ATP10B: variants seen among roughly 807,000 people sequenced by gnomAD.
ATP10B encodes the protein phospholipid-transporting ATPase VB.
In ATP10B, 122 loss-of-function variants were observed where a neutral mutation model predicts 141.2. The ratio of observed to expected loss-of-function variants is 0.86; its 90% confidence interval spans 0.75 to 1.00. The LOEUF (loss-of-function observed/expected upper bound fraction) is 1.00. Among genes scored for constraint, ATP10B ranks in the 50% least tolerant of loss-of-function variants. The pLI is 0.00. For missense variants in ATP10B, 1,876 were observed against 1,825.3 expected (o/e 1.03, Z -0.51); for synonymous variants, 685 against 692.0 (o/e 0.99, Z 0.16).
intron 2 of ATP10B, among the ~76,000 whole-genome samples, chr5:160,729,868 T>C (rs1581427620): frequency 6.6e-6 from 1 of 152,112 alleles, no homozygotes; most frequent in East Asian, 1.9e-4. Flanking sequence ...CGGACAGCCT[T>C]GTCTGTCAAG....
chr5:160,867,324 T>C, the ATP10B span, among the ~76,000 whole-genome samples: 9 of 152,204 alleles, frequency 5.9e-5, no homozygotes, highest in South Asian at 1.9e-3. Context: ...GACAGGTAGT[T>C]GTAATGGGAG....
chr5:160,853,272 A>G (rs1231087965), upstream of ATP10B, among the ~76,000 whole-genome samples: 1 of 152,022 alleles, frequency 6.6e-6, no homozygotes, highest in Non-Finnish European at 1.5e-5. Flanking sequence ...CTGTTCCTTT[A>G]CTTCCCTTCA....
chr5:160,854,031 G>A (rs13180602), upstream of ATP10B, among the ~76,000 whole-genome samples: 113,374 of 151,930 alleles, frequency 0.75, 43,569 homozygotes, highest in East Asian at 0.98. Flanking sequence ...TCTAGCTTTT[G>A]TATTCTTGCT....
the ATP10B span, among the ~76,000 whole-genome samples, chr5:160,888,387 G>A: frequency 6.6e-6 from 1 of 152,326 alleles, no homozygotes; most frequent in South Asian, 2.1e-4. Flanking sequence ...CTTCAAAGAT[G>A]CAGAAGTTTT....
intron 1 of ATP10B, among the ~76,000 whole-genome samples, chr5:160,802,653 A>AC (rs2127933588): frequency 6.6e-6 from 1 of 152,318 alleles, no homozygotes; most frequent in Non-Finnish European, 1.5e-5. Flanking sequence ...AGAGCCTGAT[A>AC]CCTACTGCTT....
intron 17 of ATP10B, among the ~76,000 whole-genome samples, 185 bp from the exon 18 acceptor site, chr5:160,613,110 TA>T (rs956704393): frequency 1.1e-4 from 16 of 152,146 alleles, no homozygotes; most frequent in Non-Finnish European, 4.4e-5. Flanking sequence ...GGTCATTGAA[TA>T]AGAATTTATA....
At chr5:160,594,288 A>G (rs1486161848) in intron 22 of ATP10B, among the ~76,000 whole-genome samples, 2 of 152,230 alleles carry the variant, frequency 1.3e-5, no homozygotes, top group African/African-American at 4.8e-5. Context: ...CAGCCAAACT[A>G]AGCTTCATAA....
At chr5:160,627,252 A>G (rs1407349308) in intron 13 of ATP10B, among the ~76,000 whole-genome samples, 2 of 152,144 alleles carry the variant, frequency 1.3e-5, no homozygotes, top group Non-Finnish European at 2.9e-5. Context: ...CTAAGCTCCT[A>G]TAGCACCTCT....
the ATP10B span, among the ~76,000 whole-genome samples, chr5:160,860,265 A>G: frequency 6.6e-6 from 1 of 151,986 alleles, no homozygotes; most frequent in African/African-American, 2.4e-5. Flanking sequence ...GTAGTAGAAA[A>G]TATAAAATCT....
intron 2 of ATP10B, among the ~76,000 whole-genome samples, chr5:160,750,158 A>G (rs1296973335): frequency 2.0e-5 from 3 of 152,208 alleles, no homozygotes; most frequent in Admixed American, 6.5e-5. Context: ...TGGGGTCTAC[A>G]TGAAATCTCA....
chr5:160,784,922 A>G (rs553707254), intron 2 of ATP10B, among the ~76,000 whole-genome samples: 1 of 152,032 alleles, frequency 6.6e-6, no homozygotes, highest in Admixed American at 6.6e-5. Context: ...CCTTTTCTCC[A>G]CACAACCATG....
intron 10 of ATP10B, among the ~76,000 whole-genome samples, chr5:160,636,996 C>CCACT (rs1390102121): frequency 9.1e-6 from 1 of 109,334 alleles, no homozygotes; most frequent in Non-Finnish European, 1.9e-5. Flanking sequence ...ACCCACCCAC[C>CCACT]CATCCATCAA....
At chr5:160,648,545 G>A (rs542221182) in intron 8 of ATP10B, among the ~76,000 whole-genome samples, 7 of 152,296 alleles carry the variant, frequency 4.6e-5, no homozygotes, top group African/African-American at 7.2e-5. Flanking sequence ...AAAATGCTTA[G>A]GCTGAACCAA....
chr5:160,647,064 G>A (rs920639993), intron 8 of ATP10B, among the ~76,000 whole-genome samples: 2 of 152,172 alleles, frequency 1.3e-5, no homozygotes, highest in African/African-American at 4.8e-5. Flanking sequence ...TGTTGTTGGT[G>A]GTGATTGTCC....
At chr5:160,593,977 C>T (rs1327290806) in intron 22 of ATP10B, among the ~76,000 whole-genome samples, 1 of 152,236 alleles carries the variant, frequency 6.6e-6, no homozygotes, top group East Asian at 1.9e-4. Flanking sequence ...GGATATTATC[C>T]AGGAGAACTT....
At chr5:160,707,881 AAATC>A (rs1255233683) in intron 3 of ATP10B, among the ~76,000 whole-genome samples, 11 of 152,200 alleles carry the variant, frequency 7.2e-5, no homozygotes, top group African/African-American at 2.7e-4. Flanking sequence ...GCACATCGAT[AAATC>A]AATCAGACAC....
chr5:160,757,033 C>G (rs561477148), intron 2 of ATP10B, among the ~76,000 whole-genome samples: 23 of 152,138 alleles, frequency 1.5e-4, no homozygotes, highest in African/African-American at 5.3e-4. Context: ...CTCAAGGTCA[C>G]TAACTTTTTT....
the ATP10B span, among the ~76,000 whole-genome samples, chr5:160,888,518 C>A: frequency 6.6e-6 from 1 of 152,304 alleles, no homozygotes; most frequent in Non-Finnish European, 1.5e-5. Context: ...GCTGGTGAAA[C>A]AGTAATTCAT....
At chr5:160,597,084 C>G (rs1215432580) in intron 22 of ATP10B, among the ~76,000 whole-genome samples, 1 of 152,172 alleles carries the variant, frequency 6.6e-6, no homozygotes, top group African/African-American at 2.4e-5. Flanking sequence ...CCCGCATTGC[C>G]AAGTCAATCC....
Sources: gnomAD v4.1 joint callset for allele counts (sites outside exome capture counted in the v4.1 genomes callset) on GRCh38, gnomAD v4.1.1 for gene constraint, MANE v1.5 for transcripts, NCBI Gene and HGNC (gene_info 2026-07-23, HGNC 2026-07-21) for gene names.